The following NCL variants were observed in gnomAD, a reference collection of about 807,000 sequenced individuals.
The protein encoded by NCL is nucleolin multifunctional protein.
NCL carries 4 observed loss-of-function variants against 77.7 expected under a neutral mutation model. That is an observed-to-expected ratio of 0.05 (90% CI 0.03 to 0.12). The LOEUF (loss-of-function observed/expected upper bound fraction) is 0.12, where lower values mean the gene tolerates loss of function less well. NCL is among the 10% of genes least tolerant of loss of function. The probability of loss-of-function intolerance (pLI) is 1.00; values close to 1 mark genes in which losing one functional copy is unlikely to be tolerated. For synonymous variants in NCL, 344 were observed against 297.8 expected (o/e 1.16, Z -1.60); for missense variants, 763 against 860.9 (o/e 0.89, Z 1.42).
chr2:231,458,246 T>C lies in NCL; in HGVS notation c.1289+20A>G, dbSNP rs528257199. On this transcript the variant is annotated intron_variant, in intron 8 of 13. Coordinates refer to ENST00000322723, the MANE Select transcript of NCL (RefSeq NM_005381.3). ...CATTAATGTTAATAAAACCCTTACA[T>C]TTCAATAGACAGAACATACCCTTTA... The C allele has an allele frequency of 6.3e-7, 1 of 1,599,496 alleles. No homozygotes were observed. Among genetic ancestry groups the C allele is most frequent in the African/African-American group, 1.3e-5 (1 of 74,192 alleles).
Position 231,463,220 on chromosome 2 carries a change from C to T in NCL, c.115G>A (p.Asp39Asn), listed in dbSNP as rs751621937. ...EDEEMSEDEE[D>N]DSSGEEVVIP... ...ATTACCTCTTCTCCACTGCTATCATCTTCTTCATCTTCTGACATTTCCTCA... is the reference window on the plus strand; with the variant it reads ...ATTACCTCTTCTCCACTGCTATCATTTTCTTCATCTTCTGACATTTCCTCA... Residue 39 changes from aspartate to asparagine, a missense_variant, in exon 2 of 14, where the codon GAT (aspartate) becomes AAT (asparagine). This residue lies in a region of NCL where 590 missense variants were observed against 570.5 expected (regional missense o/e 1.03). Transcript: ENST00000322723. The T allele has an allele frequency of 1.2e-5, 19 of 1,609,082 alleles. No homozygotes were observed. The highest frequency in any genetic ancestry group is 1.4e-5 in the Non-Finnish European group (16 of 1,178,062).
rs374299439 is a variant in NCL, at chr2:231,456,035, C to T, written c.1807G>A (p.Asp603Asn). 3.1e-6 allele frequency: 5 copies of T among 1,614,042 alleles called. No homozygotes were observed. The African/African-American group carries it at 4.0e-5, about 13-fold the overall frequency. Residue 603 changes from aspartate (D) to asparagine (N), a missense_variant, in exon 12 of 14, where the codon GAC becomes AAC. By Grantham distance (23) the Asp-to-Asn change is conservative (BLOSUM62 1). Coordinates refer to ENST00000322723, the MANE Select transcript of NCL (RefSeq NM_005381.3). ...DGSVRARIVT[D>N]RETGSSKGFG... is the part of the protein sequence containing the mutation. ...CCTTTGGAGGACCCAGTTTCCCGGTCAGTAACTATCCTTGCCCGAACGGAG... is the reference window on the plus strand; with the variant it reads ...CCTTTGGAGGACCCAGTTTCCCGGTTAGTAACTATCCTTGCCCGAACGGAG...
intron 2 of NCL, chr2:231,462,862 G>C (rs973825279): frequency 6.0e-6 from 2 of 330,806 alleles, no homozygotes; most frequent in African/African-American, 2.1e-5. Context: ...ATCTGGTAAG[G>C]TTATCCTCAG....
intron 8 of NCL, 112 bp from the exon 9 acceptor site, chr2:231,457,912 T>C: frequency 1.0e-6 from 1 of 968,962 alleles, no homozygotes; most frequent in Non-Finnish European, 1.4e-6. Context: ...TGCCCTTAGT[T>C]TTATGCCACT....
Position 231,461,927 on chromosome 2 carries a change from T to C in NCL, c.226A>G (p.Thr76Ala). 1 of 1,614,240 alleles carries C rather than the reference T, an allele frequency of 6.2e-7. No individual in the cohort carries two copies. Among genetic ancestry groups the C allele is most frequent in the South Asian group, 1.1e-5 (1 of 91,088 alleles). ...VSPTKKVAVA[T>A]PAKKAAVTPG... ...GTGACAGCTGCTTTCTTGGCTGGTG[T>C]GGCAACTGCAACCTTTTTTGTTGGG... Residue 76 changes from threonine (T) to alanine (A), a missense_variant, in exon 3 of 14, where the codon ACA becomes GCA. Physicochemically the swap from Thr to Ala is moderately conservative, Grantham distance 58 (BLOSUM62 0). This residue lies in a region of NCL where 590 missense variants were observed against 570.5 expected (regional missense o/e 1.03). Coordinates refer to ENST00000322723, the MANE Select transcript of NCL (RefSeq NM_005381.3).
chr2:231,460,103 A>G (rs1178945402), intron 6 of NCL, 49 bp downstream of exon 6: 6 of 1,562,378 alleles, frequency 3.8e-6, no homozygotes, highest in Non-Finnish European at 5.2e-6. Context: ...CAGGGGAAGG[A>G]AAAGCATTAA....
chr2:231,454,138 A>G lies in NCL; in HGVS notation c.*1053T>C, dbSNP rs1230661980. The G allele has an allele frequency of 6.6e-6, 1 of 152,196 alleles. No individual in the cohort carries two copies. The highest frequency in any genetic ancestry group is 1.5e-5 in the Non-Finnish European group (1 of 68,094). The allele number at this position is 152,196 out of a possible 1,614,324, so 9.4% of individuals were successfully genotyped here. On this transcript the variant is annotated 3_prime_UTR_variant, in exon 14 of 14. Coordinates refer to ENST00000322723, the MANE Select transcript of NCL (RefSeq NM_005381.3). ...AAAGTGTCCACTGGTCTATCCATCT[A>G]GCGTGAGTTCTATTCCAGAACTGCT...
rs370395989 is a variant in NCL at position 231,455,599 on chromosome 2, C to T, written c.1858G>A (p.Glu620Lys). The T allele has an allele frequency of 4.3e-5, 69 of 1,614,032 alleles. No homozygotes were observed. The highest frequency in any genetic ancestry group is 7.6e-6 in the Non-Finnish European group (9 of 1,180,042). The part of the protein sequence containing the change: ...KGFGFVDFNS[E>K]EDAKAAKEAM... The stretch of plus-strand genomic sequence containing the variant: ...TCCTTGGCAGCTTTGGCATCCTCCT[C>T]ACTGTTGAAGTCTACAAAACCAAAC... Residue 620 changes from glutamate to lysine, a missense_variant, in exon 13 of 14, where the codon GAG becomes AAG. Coordinates refer to ENST00000322723, the MANE Select transcript of NCL (RefSeq NM_005381.3).
chr2:231,458,487 C>A, intron 7 of NCL, 98 bp from the exon 8 acceptor site: 1 of 1,418,172 alleles, frequency 7.1e-7, no homozygotes, highest in Non-Finnish European at 9.6e-7. Context: ...CTCTATTCAA[C>A]AAATAATTTG....
At chr2:231,456,470 G>A (rs1326426734) in intron 11 of NCL, 161 bp downstream of exon 11, 6 of 1,272,526 alleles carry the variant, frequency 4.7e-6, no homozygotes, top group South Asian at 1.2e-5. Context: ...CTATCTAGAG[G>A]AATTTTCTTG....
At position 231,461,830 on chromosome 2, in the gene NCL, C is replaced by T. The variant is rs2046954785; in HGVS notation, c.323G>A (p.Gly108Asp). 6.2e-7 allele frequency: 1 copy of T among 1,613,452 alleles called. No homozygotes were observed. Among genetic ancestry groups the T allele is most frequent in the Non-Finnish European group, 8.5e-7 (1 of 1,179,990 alleles). ...TTTGCCTGGTGTGGCTCCCTTCTTG[C>T]CAGGTGTGGTAACTGCTTTGGCTGG... ...VTPAKAVTTP[G>D]KKGATPGKAL... Residue 108 changes from glycine (G) to aspartate (D), a missense_variant, in exon 3 of 14, where the codon GGC becomes GAC. Physicochemically the swap from Gly to Asp is moderately conservative, Grantham distance 94. Coordinates refer to ENST00000322723, the MANE Select transcript of NCL (RefSeq NM_005381.3).
At chr2:231,463,933 G>A (rs1207067576) in intron 1 of NCL, 4 of 226,648 alleles carry the variant, frequency 1.8e-5, no homozygotes, top group African/African-American at 4.7e-5. Flanking sequence ...CCATTTCCCG[G>A]CCCAAGGCAC....
chr2:231,464,163 G>C, intron 1 of NCL, 173 bp downstream of exon 1: 1 of 1,414,602 alleles, frequency 7.1e-7, no homozygotes, highest in South Asian at 1.4e-5. Context: ...TCTTCACCTC[G>C]CCACCAAGTA....
chr2:231,456,103 G>C lies in NCL; in HGVS notation c.1739C>G (p.Ser580Cys), dbSNP rs1343326489. The C allele has an allele frequency of 1.2e-6, 2 of 1,613,880 alleles. No individual in the cohort carries two copies. The highest frequency in any genetic ancestry group is 2.2e-5 in the East Asian group (1 of 44,886). Residue 580 changes from serine (S) to cysteine (C), a missense_variant, in exon 12 of 14, where the codon TCT becomes TGT. Ser to Cys is a moderately radical substitution (Grantham distance 112, BLOSUM62 -1). Coordinates refer to ENST00000322723, the MANE Select transcript of NCL (RefSeq NM_005381.3). ...TAATGTCTCTTCAGTGGTATCCTCA[G>C]ACAGGCCTTTGACAAACAGAGTTTT... is the stretch of plus-strand genomic sequence containing the variant. Reference protein sequence around the residue: ...PSKTLFVKGLSEDTTEETLKE... With the variant: ...PSKTLFVKGLCEDTTEETLKE...
At chr2:231,456,388 G>T in intron 11 of NCL, 2 of 916,290 alleles carry the variant, frequency 2.2e-6, no homozygotes, top group South Asian at 1.3e-5. Context: ...AGCAGGTGGG[G>T]CCCAGTGGAT....
Position 231,464,445 on chromosome 2 carries a change from C to T in NCL, c.-92G>A, listed in dbSNP as rs910142277. On this transcript the variant is annotated 5_prime_UTR_variant, in exon 1 of 14. Transcript: ENST00000322723. Reference sequence around the variant, plus strand: ...TGGCGGCCGCGGGTGCTGAAGATCCCGGAGCACGTACACCCGAAGGCCAGC... The same window carrying T: ...TGGCGGCCGCGGGTGCTGAAGATCCTGGAGCACGTACACCCGAAGGCCAGC... 8.6e-6 allele frequency: 13 copies of T among 1,511,554 alleles called. No homozygotes were observed. Among genetic ancestry groups the T allele is most frequent in the African/African-American group, 4.2e-5 (3 of 72,268 alleles). The allele number at this position is 1,511,554 out of a possible 1,614,324, so 93.6% of individuals were successfully genotyped here.
At position 231,457,622 on chromosome 2, in the gene NCL, G is replaced by T. The variant is rs16828087; in HGVS notation, c.1447+21C>A. 1.7e-3 allele frequency: 2,678 copies of T among 1,571,570 alleles called. 45 individuals are homozygous for T. In the African/African-American group the frequency reaches 0.033, roughly 19 times the overall value. On this transcript the variant is annotated intron_variant, in intron 9 of 13. Coordinates refer to ENST00000322723, the MANE Select transcript of NCL (RefSeq NM_005381.3). ...TTCCCTCCACCAATTCTGAAACCTT[G>T]TAACAAGCCTAATTTCTTACCACTC...
intron 12 of NCL, 110 bp downstream of exon 12, chr2:231,455,900 T>G: frequency 6.5e-7 from 1 of 1,533,172 alleles, no homozygotes; most frequent in Non-Finnish European, 9.0e-7. Context: ...ATCCATAAAC[T>G]GCCACTGATA....
At chr2:231,462,879 ATACAATGCCCAGCTC>A (rs35211862) in intron 2 of NCL, 180,130 of 346,380 alleles carry the variant, frequency 0.52, 47,804 homozygotes, top group East Asian at 0.74. Flanking sequence ...TCAGCTCTGA[ATACAATGCCCAGCTC>A]TACATGTGGG....
Sources: gnomAD v4.1 joint callset for allele counts on GRCh38, gnomAD v4.1.1 for gene constraint, gnomAD v4.1.1 regional missense constraint, MANE v1.5 for transcripts, NCBI Gene and HGNC (gene_info 2026-07-23, HGNC 2026-07-21) for gene names.